EBF1: variants seen among roughly 807,000 people sequenced by gnomAD.
The protein encoded by EBF1 is transcription factor COE1.
A neutral mutation model predicts 68.4 loss-of-function variants in EBF1; 10 were observed. That is an observed-to-expected ratio of 0.15 (90% confidence interval 0.09 to 0.25). The LOEUF (loss-of-function observed/expected upper bound fraction) is 0.25, where lower values mean the gene tolerates loss of function less well. EBF1 is among the 10% of genes least tolerant of loss of function. EBF1 has a pLI of 1.00. For synonymous variants in EBF1, 298 were observed against 299.8 expected (o/e 0.99, Z 0.06); for missense variants, 509 against 794.4 (o/e 0.64, Z 4.32).
intron 7 of EBF1, among the ~76,000 whole-genome samples, chr5:158,830,311 C>A (rs1230810148): frequency 6.6e-6 from 1 of 152,046 alleles, no homozygotes; most frequent in Non-Finnish European, 1.5e-5. Context: ...CTTGCTCTGT[C>A]ACCAGGCCGG....
chr5:159,067,048 T>A (rs1776949043), intron 6 of EBF1, among the ~76,000 whole-genome samples: 1 of 152,188 alleles, frequency 6.6e-6, no homozygotes, highest in Non-Finnish European at 1.5e-5. Flanking sequence ...TGGAGTTTTT[T>A]AAATCTGGTC....
chr5:158,794,047 A>C (rs1484549463), intron 9 of EBF1, among the ~76,000 whole-genome samples: 1 of 152,184 alleles, frequency 6.6e-6, no homozygotes, highest in Admixed American at 6.5e-5. Flanking sequence ...TGCTTGTTTT[A>C]AAAGAAGATC....
intron 6 of EBF1, among the ~76,000 whole-genome samples, chr5:159,054,870 G>T (rs988801552): frequency 1.3e-5 from 2 of 152,300 alleles, no homozygotes; most frequent in Non-Finnish European, 2.9e-5. Flanking sequence ...AGACAAATGT[G>T]TTGGTCCACG....
At chr5:158,701,407 G>GTGTT (rs1756746418) in intron 15 of EBF1, among the ~76,000 whole-genome samples, 1 of 151,640 alleles carries the variant, frequency 6.6e-6, no homozygotes, top group Non-Finnish European at 1.5e-5. Flanking sequence ...CCCAAATAGT[G>GTGTT]TGTTAGATCA....
intron 6 of EBF1, among the ~76,000 whole-genome samples, chr5:158,947,104 G>A (rs1056108827): frequency 1.1e-4 from 17 of 152,230 alleles, no homozygotes; most frequent in African/African-American, 4.1e-4. Context: ...TCAGGCCAGT[G>A]GATCTTAGCT....
Position 158,698,047 on chromosome 5 carries a change from T to C in EBF1, c.*1064A>G, listed in dbSNP as rs1442458578. 4.6e-6 allele frequency: 1 copy of C among 215,766 alleles called. No homozygotes were observed. Among genetic ancestry groups the C allele is most frequent in the African/African-American group, 2.3e-5 (1 of 44,336 alleles). 13.4% of individuals were successfully genotyped at this position (215,766 alleles called of 1,614,324 possible). A position where few individuals can be genotyped will look rare whatever the true frequency, so the allele number is the denominator to read the frequency against. Reference sequence around the variant, plus strand: ...GTTACAAATGGTAAGGGTCGACTGATAGAGGCAGTATCTGGAATGGGAAAA... The same window carrying C: ...GTTACAAATGGTAAGGGTCGACTGACAGAGGCAGTATCTGGAATGGGAAAA... On this transcript the variant is annotated 3_prime_UTR_variant, in exon 16 of 16. Transcript: ENST00000313708.
chr5:158,890,943 G>T (rs1162790763), intron 6 of EBF1, among the ~76,000 whole-genome samples: 3 of 152,062 alleles, frequency 2.0e-5, no homozygotes, highest in Non-Finnish European at 4.4e-5. Flanking sequence ...TCTTCCCCTT[G>T]CCTGAAACAT....
At chr5:159,077,421 C>T (rs934957308) in intron 5 of EBF1, among the ~76,000 whole-genome samples, 2 of 152,100 alleles carry the variant, frequency 1.3e-5, no homozygotes, top group Admixed American at 6.6e-5. Context: ...GTGACAAGAG[C>T]AAAACTCCGT....
chr5:158,820,684 T>C (rs1784647793), intron 8 of EBF1, among the ~76,000 whole-genome samples: 1 of 152,214 alleles, frequency 6.6e-6, no homozygotes, highest in African/African-American at 2.4e-5. Context: ...GCCAACCACT[T>C]ACACAGTGAA....
At chr5:158,962,145 G>A (rs1189665199) in intron 6 of EBF1, among the ~76,000 whole-genome samples, 1 of 152,036 alleles carries the variant, frequency 6.6e-6, no homozygotes, top group African/African-American at 2.4e-5. Context: ...CTTGAGGGGC[G>A]GTATGCTTCC....
At chr5:158,849,486 C>A (rs1374049636) in intron 6 of EBF1, among the ~76,000 whole-genome samples, 26 of 152,284 alleles carry the variant, frequency 1.7e-4, no homozygotes, top group Non-Finnish European at 2.1e-4. Flanking sequence ...TTCCCAGATA[C>A]CCAGAGCTAG....
chr5:159,030,219 A>G (rs1768500571), intron 6 of EBF1, among the ~76,000 whole-genome samples: 1 of 152,162 alleles, frequency 6.6e-6, no homozygotes, highest in South Asian at 2.1e-4. Flanking sequence ...TAAAAGTGCA[A>G]TAAGATGATT....
intron 6 of EBF1, among the ~76,000 whole-genome samples, chr5:158,897,110 T>C (rs1802324606): frequency 6.6e-6 from 1 of 152,132 alleles, no homozygotes; most frequent in South Asian, 2.1e-4. Flanking sequence ...TAAAGACATA[T>C]ATGAACGTGT....
intron 11 of EBF1, among the ~76,000 whole-genome samples, chr5:158,729,902 G>A (rs1763742283): frequency 6.6e-6 from 1 of 152,202 alleles, no homozygotes; most frequent in African/African-American, 2.4e-5. Flanking sequence ...CTGTGTAGTG[G>A]CCTGAGGGGT....
chr5:158,812,432 G>T (rs772114925), intron 8 of EBF1, among the ~76,000 whole-genome samples: 1 of 152,112 alleles, frequency 6.6e-6, no homozygotes. Context: ...TCTCTTGGGG[G>T]TTAAAATTAG....
intron 6 of EBF1, among the ~76,000 whole-genome samples, chr5:158,883,320 GTA>G (rs967599081): frequency 6.5e-4 from 94 of 144,822 alleles, no homozygotes; most frequent in Middle Eastern, 3.5e-3. Context: ...ACATACATGT[GTA>G]TATATATACA....
intron 10 of EBF1, among the ~76,000 whole-genome samples, chr5:158,739,500 T>G (rs1765859912): frequency 6.6e-6 from 1 of 152,222 alleles, no homozygotes; most frequent in African/African-American, 2.4e-5. Flanking sequence ...ACACAATTTT[T>G]TTTTTGACCT....
chr5:158,996,662 C>T (rs1271980506), intron 6 of EBF1, among the ~76,000 whole-genome samples: 2 of 152,152 alleles, frequency 1.3e-5, no homozygotes, highest in African/African-American at 2.4e-5. Flanking sequence ...TAAAAATCCA[C>T]TTAAGCAGCC....
At chr5:159,036,331 G>C (rs889553610) in intron 6 of EBF1, among the ~76,000 whole-genome samples, 1 of 151,828 alleles carries the variant, frequency 6.6e-6, no homozygotes, top group Non-Finnish European at 1.5e-5. Flanking sequence ...AACCAAAAAA[G>C]AGCCCACATC....
Sources: gnomAD v4.1 joint callset for allele counts (sites outside exome capture counted in the v4.1 genomes callset) on GRCh38, gnomAD v4.1.1 for gene constraint, MANE v1.5 for transcripts, NCBI Gene and HGNC (gene_info 2026-07-23, HGNC 2026-07-21) for gene names.